The following CRPPA variants were observed in gnomAD, a reference collection of about 807,000 sequenced individuals.
CRPPA encodes CDP-L-ribitol pyrophosphorylase A.
In CRPPA, 43 loss-of-function variants were observed where a neutral mutation model predicts 52.0. The observed-to-expected ratio is 0.83, with a 90% CI of 0.65 to 1.07. The LOEUF is 1.07. Among genes scored for constraint, CRPPA ranks in the 50% least tolerant of loss-of-function variants. The pLI, the probability that CRPPA is intolerant of heterozygous loss-of-function variation, is 0.00. For missense variants in CRPPA, 629 were observed against 551.7 expected (o/e 1.14, Z -1.40); for synonymous variants, 250 against 203.5 (o/e 1.23, Z -1.94).
At chr7:16,281,908 T>A (rs887104511) in intron 5 of CRPPA, among the ~76,000 whole-genome samples, 1 of 152,176 alleles carries the variant, frequency 6.6e-6, no homozygotes, top group South Asian at 2.1e-4. Flanking sequence ...ACAATTGTAT[T>A]GATTCTTTTT....
intron 9 of CRPPA, among the ~76,000 whole-genome samples, chr7:16,203,138 A>T (rs1781894870): frequency 1.3e-5 from 2 of 152,246 alleles, no homozygotes; most frequent in East Asian, 1.9e-4. Flanking sequence ...GTTAATTAGC[A>T]AACAAATATC....
intron 9 of CRPPA, among the ~76,000 whole-genome samples, chr7:16,120,916 G>A (rs1033588201): frequency 6.6e-6 from 1 of 152,028 alleles, no homozygotes. Context: ...AAGAGATAAT[G>A]ATAAGGTTGA....
chr7:16,238,533 A>T (rs1295171), intron 8 of CRPPA, among the ~76,000 whole-genome samples: 43,578 of 152,078 alleles, frequency 0.29, 6,501 homozygotes, highest in African/African-American at 0.38. Context: ...GCAGAAAGAA[A>T]AAACAATGAA....
At chr7:16,307,364 T>C (rs1784933104) in intron 4 of CRPPA, among the ~76,000 whole-genome samples, 1 of 152,080 alleles carries the variant, frequency 6.6e-6, no homozygotes, top group Non-Finnish European at 1.5e-5. Context: ...ATTATCTTGT[T>C]TGCAATAAGT....
chr7:16,416,996 A>T (rs1788211124), intron 1 of CRPPA, among the ~76,000 whole-genome samples: 1 of 152,206 alleles, frequency 6.6e-6, no homozygotes, highest in Non-Finnish European at 1.5e-5. Context: ...TGCACAAATG[A>T]CATGAACAAA....
chr7:16,362,277 G>C (rs1213231592), intron 3 of CRPPA, among the ~76,000 whole-genome samples: 1 of 152,240 alleles, frequency 6.6e-6, no homozygotes, highest in Non-Finnish European at 1.5e-5. Flanking sequence ...GAAAGTCCAA[G>C]ATCACTGTGC....
At chr7:16,408,831 T>G (rs1788015760) in intron 1 of CRPPA, among the ~76,000 whole-genome samples, 1 of 152,148 alleles carries the variant, frequency 6.6e-6, no homozygotes, top group Non-Finnish European at 1.5e-5. Context: ...GGAGAGTCAC[T>G]GGAGAAGATG....
At chr7:16,300,280 G>A (rs1784765804) in intron 5 of CRPPA, among the ~76,000 whole-genome samples, 1 of 152,164 alleles carries the variant, frequency 6.6e-6, no homozygotes. Flanking sequence ...TGGTTAAATA[G>A]GGTTTCCCAA....
chr7:16,374,451 A>C (rs1786828049), intron 3 of CRPPA, among the ~76,000 whole-genome samples: 1 of 152,132 alleles, frequency 6.6e-6, no homozygotes, highest in Admixed American at 6.5e-5. Context: ...TCACCTTGTA[A>C]CTGTGTGAGC....
intron 2 of CRPPA, among the ~76,000 whole-genome samples, chr7:16,399,726 C>T (rs1033906003): frequency 1.3e-5 from 2 of 151,820 alleles, no homozygotes; most frequent in African/African-American, 4.8e-5. Flanking sequence ...ACATGACTGA[C>T]ATATGATTGA....
In CRPPA at chr7:16,206,283, T is replaced by C. The variant is rs181012517; in HGVS notation, c.1251+9783A>G. ...TGTAAATACATACCAGTAGGTAATA[T>C]ATAGTTTAGTGGTCCATATTTTAAT... On this transcript the variant is annotated intron_variant, in intron 9 of 9. Transcript: ENST00000407010. 7.9e-5 allele frequency among the ~76,000 whole-genome samples: 12 copies of C among 152,256 alleles called. No individual in the cohort carries two copies. The East Asian group carries it at 1.7e-3, about 22-fold the overall frequency.
Position 16,253,026 on chromosome 7 carries a change from T to C in CRPPA, c.1119+5364A>G, listed in dbSNP as rs181712110. 4.1e-3 allele frequency among the ~76,000 whole-genome samples: 619 copies of C among 152,294 alleles called. 5 individuals carry two copies. Among genetic ancestry groups the C allele is most frequent in the Non-Finnish European group, 6.2e-3 (424 of 68,022 alleles). On this transcript the variant is annotated intron_variant, in intron 8 of 9. Transcript: ENST00000407010. ...CTTTATTAGTCTTGCTAGTGGTCTA[T>C]CTATTTTGTTGATCTTTTCAAAAAA...
intron 9 of CRPPA, among the ~76,000 whole-genome samples, chr7:16,114,138 G>A (rs1782321124): frequency 6.6e-6 from 1 of 151,826 alleles, no homozygotes. Flanking sequence ...AATTTTAAGA[G>A]ACTGCTTAAT....
intron 8 of CRPPA, among the ~76,000 whole-genome samples, chr7:16,252,809 C>T (rs1238405202): frequency 1.3e-5 from 2 of 152,090 alleles, no homozygotes; most frequent in African/African-American, 2.4e-5. Context: ...TTCAGGGATT[C>T]AACTTCTTCC....
chr7:16,166,458 T>C (rs1374829766), intron 9 of CRPPA, among the ~76,000 whole-genome samples: 1 of 152,116 alleles, frequency 6.6e-6, no homozygotes, highest in East Asian at 1.9e-4. Context: ...ATTTGTATTT[T>C]TAGTAGAGAC....
intron 9 of CRPPA, among the ~76,000 whole-genome samples, chr7:16,130,681 T>C (rs1473962553): frequency 1.3e-5 from 2 of 152,178 alleles, no homozygotes; most frequent in Non-Finnish European, 2.9e-5. Context: ...GTAATTAGTG[T>C]CTATATCCTA....
intron 9 of CRPPA, among the ~76,000 whole-genome samples, chr7:16,189,163 G>C (rs557599803): frequency 2.2e-4 from 34 of 152,086 alleles, no homozygotes; most frequent in Non-Finnish European, 1.0e-4. Context: ...TAGATCATCA[G>C]GACTAGAATA....
chr7:16,249,517 G>A (rs1470440135), intron 8 of CRPPA, among the ~76,000 whole-genome samples: 1 of 152,182 alleles, frequency 6.6e-6, no homozygotes, highest in African/African-American at 2.4e-5. Flanking sequence ...CTGGGACAAA[G>A]CTTCCAGAGG....
chr7:16,152,998 C>T lies in CRPPA; in HGVS notation c.1252-61199G>A, dbSNP rs1783106444. On this transcript the variant is annotated intron_variant, in intron 9 of 9. Coordinates refer to ENST00000407010, the MANE Select transcript of CRPPA (RefSeq NM_001101426.4). The stretch of plus-strand genomic sequence containing the variant: ...TTTTACTCTGCATATTATGATTAGC[C>T]TAACTGTGATATCCTTAATTGATAA... Among the ~76,000 whole-genome samples, 4 of 151,866 alleles carry T rather than the reference C, an allele frequency of 2.6e-5. No individual in the cohort carries two copies. The South Asian group carries it at 8.3e-4, about 31-fold the overall frequency.
Sources: allele counts gnomAD v4.1 joint callset (sites outside exome capture counted in the v4.1 genomes callset), GRCh38; gene constraint gnomAD v4.1.1; transcripts MANE v1.5; gene names NCBI Gene and HGNC (gene_info 2026-07-23, HGNC 2026-07-21).